EPS8: variants seen among roughly 807,000 people sequenced by gnomAD.
EPS8 encodes EGFR pathway substrate 8, signaling adaptor.
In EPS8, 42 loss-of-function variants were observed where a neutral mutation model predicts 103.8. The observed-to-expected ratio is 0.40, with a 90% CI of 0.32 to 0.52. The LOEUF (loss-of-function observed/expected upper bound fraction) is 0.52. Ranked by LOEUF, EPS8 falls within the 20% of genes least tolerant of loss-of-function variation. EPS8 has a pLI of 0.40. For synonymous variants in EPS8, 344 were observed against 344.6 expected (o/e 1.00, Z 0.02); for missense variants, 969 against 1,005.1 (o/e 0.96, Z 0.49).
In EPS8 at chr12:15,725,296, C is replaced by T. The variant is rs1158354440; in HGVS notation, c.-21-42324G>A. On this transcript the variant is annotated intron_variant, in intron 1 of 20. Coordinates refer to ENST00000281172, the MANE Select transcript of EPS8 (RefSeq NM_004447.6). This position sits in a 1 kb window ranked among gnomAD's most constrained non-coding sequence, Gnocchi z 4.5. ...ACTAACTGTGTATCACCTGAAATCA[C>T]CCTCAAGAGATCTCCGGAAAAGTCA... 6.6e-6 allele frequency among the ~76,000 whole-genome samples: 1 copy of T among 151,880 alleles called. No homozygotes were observed. Among genetic ancestry groups the T allele is most frequent in the Non-Finnish European group, 1.5e-5 (1 of 67,972 alleles).
chr12:15,774,262 C>T (rs1947184445), intron 1 of EPS8, among the ~76,000 whole-genome samples: 1 of 151,930 alleles, frequency 6.6e-6, no homozygotes, highest in Non-Finnish European at 1.5e-5. Context: ...CTGTATGCTA[C>T]ACCTCTTTTA....
chr12:15,746,965 A>G (rs1057447119), intron 1 of EPS8, among the ~76,000 whole-genome samples: 12 of 152,146 alleles, frequency 7.9e-5, no homozygotes, highest in Non-Finnish European at 1.2e-4. Context: ...TACCAAAACT[A>G]TTCTAAAACA....
Position 15,714,443 on chromosome 12 carries a change from A to G in EPS8, c.-21-31471T>C, listed in dbSNP as rs546626373. ...GATCCCTTGAGTCCAGGAAGTCAAGAGCAGCCTGGGCAACATACCAAGACC... is the reference window on the plus strand; with the variant it reads ...GATCCCTTGAGTCCAGGAAGTCAAGGGCAGCCTGGGCAACATACCAAGACC... On this transcript the variant is annotated intron_variant, in intron 1 of 20. Transcript: ENST00000281172. The surrounding 1 kb of genome is among the most constrained non-coding windows in gnomAD (Gnocchi z 4.1). Among the ~76,000 whole-genome samples the G allele has an allele frequency of 6.6e-6, 1 of 152,248 alleles. No homozygotes were observed. Among genetic ancestry groups the G allele is most frequent in the East Asian group, 1.9e-4 (1 of 5,170 alleles).
At chr12:15,662,328 T>C in intron 8 of EPS8, 1 of 1,266,964 alleles carries the variant, frequency 7.9e-7, no homozygotes, top group Non-Finnish European at 1.0e-6. Flanking sequence ...TTTATGATGT[T>C]AATTTACCTT....
chr12:15,755,496 ATGT>A (rs1440618815), intron 1 of EPS8, among the ~76,000 whole-genome samples: 3 of 152,180 alleles, frequency 2.0e-5, no homozygotes, highest in Non-Finnish European at 4.4e-5. Context: ...TAAAATAAAG[ATGT>A]TGTCACTGGG....
intron 4 of EPS8, among the ~76,000 whole-genome samples, chr12:15,670,229 T>C (rs934640512): frequency 6.6e-6 from 1 of 152,178 alleles, no homozygotes; most frequent in Non-Finnish European, 1.5e-5. Flanking sequence ...GCTTCAAAAC[T>C]ATGGACACTG....
At position 15,717,701 on chromosome 12, in the gene EPS8, TGA is replaced by T. The variant is rs1450226949; in HGVS notation, c.-21-34731_-21-34730del. 1.3e-5 allele frequency among the ~76,000 whole-genome samples: 2 copies of T among 152,002 alleles called. No homozygotes were observed. Among genetic ancestry groups the T allele is most frequent in the Non-Finnish European group, 2.9e-5 (2 of 67,992 alleles). On this transcript the variant is annotated intron_variant, in intron 1 of 20. Transcript: ENST00000281172. This position sits in a 1 kb window ranked among gnomAD's most constrained non-coding sequence, Gnocchi z 4.3. ...TCTTTCCAGAAGTTATTTAGAAGAG[TGA>T]GACCATACTTAAATTAAGTGTATAG...
At chr12:15,628,385 G>T (rs996967817) in intron 18 of EPS8, among the ~76,000 whole-genome samples, 4 of 152,058 alleles carry the variant, frequency 2.6e-5, no homozygotes, top group Non-Finnish European at 5.9e-5. Flanking sequence ...ACATGTTCCT[G>T]GGCTTTTGCT....
chr12:15,673,718 CA>C (rs1388062572), intron 3 of EPS8, among the ~76,000 whole-genome samples: 1 of 152,138 alleles, frequency 6.6e-6, no homozygotes, highest in Non-Finnish European at 1.5e-5. Context: ...TAAATATCGT[CA>C]AATGGTATAT....
At position 15,624,358 on chromosome 12, in the gene EPS8, C is replaced by T. The variant is rs780783085; in HGVS notation, c.2094G>A (p.Leu698=). ...EEVQDELIHR[L]TIGRSAAQKK... is the part of the protein sequence containing the mutation. ...TCTGAGCGGCACTCCGACCAATGGT[C>T]AGTCTGTGGATGAGTTCATCTTGCA... The change falls in exon 19 of 21, where the codon CTG becomes CTA. Residue 698 remains leucine (L), a synonymous_variant. Coordinates refer to ENST00000281172, the MANE Select transcript of EPS8 (RefSeq NM_004447.6). 4.4e-6 allele frequency: 7 copies of T among 1,605,256 alleles called. No homozygotes were observed. In the Admixed American group the frequency reaches 1.2e-4, roughly 27 times the overall value.
intron 1 of EPS8, among the ~76,000 whole-genome samples, chr12:15,699,135 A>G (rs1005906440): frequency 1.3e-5 from 2 of 152,264 alleles, no homozygotes; most frequent in Admixed American, 6.5e-5. Context: ...GCAGTTTCCT[A>G]GAGTCCAAAG....
In EPS8 at chr12:15,745,065, G is replaced by A. The variant is rs146294184; in HGVS notation, c.-22+44096C>T. 4.3e-4 allele frequency among the ~76,000 whole-genome samples: 66 copies of A among 152,156 alleles called. No individual in the cohort carries two copies. Among genetic ancestry groups the A allele is most frequent in the African/African-American group, 1.5e-3 (63 of 41,512 alleles). On this transcript the variant is annotated intron_variant, in intron 1 of 20. Transcript: ENST00000281172. The surrounding 1 kb of genome is among the most constrained non-coding windows in gnomAD (Gnocchi z 4.6). ...TTTTAGTAGAGATGGGTTTCACCAC[G>A]TTGGACAGGATGGTCTCGATCTCCT...
chr12:15,741,426 G>A (rs896818498), intron 1 of EPS8, among the ~76,000 whole-genome samples: 3 of 152,136 alleles, frequency 2.0e-5, no homozygotes, highest in African/African-American at 7.2e-5. Context: ...GGTACCAAGC[G>A]AATCCTGGCA....
intron 3 of EPS8, among the ~76,000 whole-genome samples, chr12:15,678,774 C>T (rs538726597): frequency 1.3e-5 from 2 of 151,912 alleles, no homozygotes; most frequent in East Asian, 1.9e-4. Flanking sequence ...ATTAGCTGGG[C>T]GTGGTGGCAT....
chr12:15,635,459 A>G (rs1209444502), intron 17 of EPS8, among the ~76,000 whole-genome samples: 1 of 152,160 alleles, frequency 6.6e-6, no homozygotes, highest in Non-Finnish European at 1.5e-5. Flanking sequence ...AGAACTGAAT[A>G]TTATCAGGAG....
intron 1 of EPS8, among the ~76,000 whole-genome samples, chr12:15,750,513 T>C (rs1946920871): frequency 6.6e-6 from 1 of 152,218 alleles, no homozygotes; most frequent in Admixed American, 6.5e-5. Context: ...CTTTATGGTC[T>C]AATATGGACA....
intron 1 of EPS8, among the ~76,000 whole-genome samples, chr12:15,705,111 T>A (rs1388029589): frequency 3.9e-5 from 6 of 152,240 alleles, no homozygotes; most frequent in Admixed American, 3.9e-4. Flanking sequence ...CTCGCTGGTC[T>A]AGTTTTATAC....
At chr12:15,648,362 G>A (rs1441778634) in intron 14 of EPS8, among the ~76,000 whole-genome samples, 1 of 152,138 alleles carries the variant, frequency 6.6e-6, no homozygotes, top group African/African-American at 2.4e-5. Context: ...ATTCATTGGG[G>A]CAAAATATTG....
intron 13 of EPS8, among the ~76,000 whole-genome samples, chr12:15,653,292 T>C (rs1158842425): frequency 6.6e-6 from 1 of 152,224 alleles, no homozygotes; most frequent in Non-Finnish European, 1.5e-5. Flanking sequence ...GATGTAATTA[T>C]GTCACACCTC....
Sources: gnomAD v4.1 joint callset for allele counts (sites outside exome capture counted in the v4.1 genomes callset) on GRCh38, gnomAD v4.1.1 for gene constraint, Gnocchi (gnomAD v3.1) non-coding constraint, MANE v1.5 for transcripts, NCBI Gene and HGNC (gene_info 2026-07-23, HGNC 2026-07-21) for gene names.